Variants in NEBL observed in about 807,000 individuals in gnomAD.
The protein encoded by NEBL is LIM and SH3 protein 2.
A neutral mutation model predicts 140.2 loss-of-function variants in NEBL; 122 were observed. The observed-to-expected ratio is 0.87, with a 90% CI of 0.75 to 1.01. NEBL has a LOEUF of 1.01. NEBL is among the 50% of genes least tolerant of loss of function. The probability of loss-of-function intolerance (pLI) is 0.00; values close to 1 mark genes in which losing one functional copy is unlikely to be tolerated. For synonymous variants in NEBL, 436 were observed against 398.9 expected (o/e 1.09, Z -1.11); for missense variants, 1,365 against 1,231.3 (o/e 1.11, Z -1.62).
chr10:20,967,301 A>G (rs766328900), intron 3 of NEBL, among the ~76,000 whole-genome samples: 1 of 152,214 alleles, frequency 6.6e-6, no homozygotes, highest in Non-Finnish European at 1.5e-5. Context: ...TGAGTCTCAG[A>G]AACATTACGC....
chr10:21,065,225 A>G (rs2131889316), intron 2 of NEBL, among the ~76,000 whole-genome samples: 1 of 152,356 alleles, frequency 6.6e-6, no homozygotes, highest in East Asian at 1.9e-4. Flanking sequence ...CAAGGAATAC[A>G]GCAGTCTTTC....
chr10:21,036,381 G>A (rs1461387457), intron 2 of NEBL, among the ~76,000 whole-genome samples: 2 of 152,012 alleles, frequency 1.3e-5, no homozygotes, highest in Non-Finnish European at 2.9e-5. Context: ...TTGATCCTGG[G>A]AGGTCGAGCC....
chr10:21,030,906 C>A, intron 2 of NEBL: 1 of 273,440 alleles, frequency 3.7e-6, no homozygotes, highest in Non-Finnish European at 7.2e-6. Context: ...AAAATGGTAT[C>A]TGAAAGATCA....
chr10:20,901,421 G>C (rs1360977650), upstream of NEBL, among the ~76,000 whole-genome samples: 1 of 152,070 alleles, frequency 6.6e-6, no homozygotes, highest in Non-Finnish European at 1.5e-5. Context: ...CCTATGACAA[G>C]ACTTTCTTGG....
At chr10:20,809,654 T>C (rs547310093) in intron 25 of NEBL, 152 bp downstream of exon 25, 2 of 658,214 alleles carry the variant, frequency 3.0e-6, no homozygotes, top group Admixed American at 5.2e-5. Flanking sequence ...AAATGACTAA[T>C]TGTATTTAAA....
At chr10:21,185,472 G>C (rs1192125662) in intron 3 of NEBL, among the ~76,000 whole-genome samples, 1 of 139,786 alleles carries the variant, frequency 7.2e-6, no homozygotes, top group Non-Finnish European at 1.6e-5. Context: ...TTCTCTTTCG[G>C]TTCCATTTTC....
intron 7 of NEBL, among the ~76,000 whole-genome samples, chr10:20,863,972 C>T (rs963475466): frequency 6.6e-6 from 1 of 152,050 alleles, no homozygotes; most frequent in Non-Finnish European, 1.5e-5. Context: ...ATTCCCCAAA[C>T]CAATTAATAC....
chr10:21,010,427 T>A (rs939768905), intron 3 of NEBL, among the ~76,000 whole-genome samples: 2 of 151,732 alleles, frequency 1.3e-5, no homozygotes, highest in African/African-American at 4.8e-5. Flanking sequence ...TAATTTTTTT[T>A]TTTTTTTGCA....
intron 2 of NEBL, among the ~76,000 whole-genome samples, chr10:21,060,799 G>T (rs780342675): frequency 6.6e-6 from 1 of 151,934 alleles, no homozygotes; most frequent in Non-Finnish European, 1.5e-5. Flanking sequence ...CACAACCTCT[G>T]CATTGCTCAA....
intron 3 of NEBL, among the ~76,000 whole-genome samples, chr10:21,237,422 C>A (rs1842370813): frequency 6.6e-6 from 1 of 152,300 alleles, no homozygotes; most frequent in East Asian, 1.9e-4. Context: ...CCAGGCTGGT[C>A]TCAAACTCCT....
At position 20,887,421 on chromosome 10, in the gene NEBL, T is replaced by A. The variant is rs529731872; in HGVS notation, c.369+676A>T. ...GATCCTGAATTCAACCTTTTTTTTT[T>A]TTTTTTTTTTTTTTTGAGACAGAGG... On this transcript the variant is annotated intron_variant, in intron 4 of 27. Coordinates refer to ENST00000377122, the MANE Select transcript of NEBL (RefSeq NM_006393.3). Among the ~76,000 whole-genome samples the A allele has an allele frequency of 3.5e-5, 5 of 142,924 alleles. No individual in the cohort carries two copies. In the East Asian group the frequency reaches 8.7e-4, roughly 25 times the overall value. 93.8% of individuals were successfully genotyped at this position (142,924 alleles called of 152,430 possible).
chr10:20,980,826 T>C (rs1837009529), intron 3 of NEBL, among the ~76,000 whole-genome samples: 1 of 152,248 alleles, frequency 6.6e-6, no homozygotes, highest in African/African-American at 2.4e-5. Context: ...AATCATCTTA[T>C]AAACAAAGCA....
intron 2 of NEBL, chr10:21,172,305 T>C: frequency 8.8e-7 from 1 of 1,132,438 alleles, no homozygotes; most frequent in Non-Finnish European, 1.3e-6. Context: ...GTGAGTCAGT[T>C]CTTCAAAACA....
chr10:20,995,309 A>C (rs1837625378), intron 3 of NEBL, among the ~76,000 whole-genome samples: 1 of 152,160 alleles, frequency 6.6e-6, no homozygotes, highest in Admixed American at 6.5e-5. Flanking sequence ...TGGGGACAGC[A>C]GCTAGTGCTG....
rs1564529768 is a variant in NEBL at position 21,154,525 on chromosome 10, C to A, written c.164+17858G>T. Among the ~76,000 whole-genome samples the A allele has an allele frequency of 4.0e-5, 6 of 151,144 alleles. No homozygotes were observed. The South Asian group carries it at 1.3e-3, about 32-fold the overall frequency. On this transcript the variant is annotated intron_variant, in intron 2 of 6. Coordinates refer to the NEBL transcript ENST00000417816. ...AACATTAAATTTTCATGACTTTGTG[C>A]TCGTGGGTCTCAATAACACCTGTGT...
intron 14 of NEBL, 57 bp downstream of exon 14, chr10:20,835,456 C>G: frequency 4.7e-6 from 6 of 1,276,574 alleles, no homozygotes; most frequent in South Asian, 2.4e-5. Flanking sequence ...GTTGCTAATA[C>G]GATTTGTTAG....
intron 2 of NEBL, among the ~76,000 whole-genome samples, chr10:21,034,336 A>G (rs1833930202): frequency 6.6e-6 from 1 of 152,124 alleles, no homozygotes; most frequent in African/African-American, 2.4e-5. Flanking sequence ...AATAACAAGA[A>G]CAACCACTAC....
intron 3 of NEBL, among the ~76,000 whole-genome samples, chr10:21,212,520 C>G (rs1338448545): frequency 1.3e-5 from 2 of 152,308 alleles, no homozygotes; most frequent in South Asian, 2.1e-4. Context: ...CGTCATTTCT[C>G]AAGAGTTTGT....
At chr10:21,017,940 T>A (rs1471971451) in intron 3 of NEBL, among the ~76,000 whole-genome samples, 1 of 151,858 alleles carries the variant, frequency 6.6e-6, no homozygotes, top group Non-Finnish European at 1.5e-5. Context: ...TCTGCTTCAG[T>A]CTCTCGAGTA....
Sources: gnomAD v4.1 joint callset for allele counts (sites outside exome capture counted in the v4.1 genomes callset) on GRCh38, gnomAD v4.1.1 for gene constraint, MANE v1.5 for transcripts, NCBI Gene and HGNC (gene_info 2026-07-23, HGNC 2026-07-21) for gene names.